Variants in AARS1 observed in about 807,000 individuals in gnomAD.
AARS1 encodes alanine--tRNA ligase, cytoplasmic.
AARS1 carries 72 observed loss-of-function variants against 108.9 expected under a neutral mutation model. That is an observed-to-expected ratio of 0.66 (90% CI 0.55 to 0.80). The LOEUF (loss-of-function observed/expected upper bound fraction) is 0.80. AARS1 is among the 30% of genes least tolerant of loss of function. AARS1 has a pLI of 0.00. For synonymous variants in AARS1, 489 were observed against 465.7 expected (o/e 1.05, Z -0.64); for missense variants, 1,193 against 1,233.2 (o/e 0.97, Z 0.49).
At chr16:70,276,914 G>A in intron 3 of AARS1, 52 bp downstream of exon 3, 1 of 1,596,804 alleles carries the variant, frequency 6.3e-7, no homozygotes, top group East Asian at 2.2e-5. Flanking sequence ...TTCCCAGTGT[G>A]GAAAAGACCA....
At chr16:70,273,097 T>C (rs957929210) in intron 4 of AARS1, among the ~76,000 whole-genome samples, 2 of 152,000 alleles carry the variant, frequency 1.3e-5, no homozygotes, top group African/African-American at 2.4e-5. Flanking sequence ...GTCAACCGAA[T>C]AGGAGTTTTA....
intron 9 of AARS1, among the ~76,000 whole-genome samples, 184 bp downstream of exon 9, chr16:70,267,475 T>A (rs1426810036): frequency 6.6e-6 from 1 of 152,218 alleles, no homozygotes; most frequent in African/African-American, 2.4e-5. Flanking sequence ...TTGAATACTT[T>A]GGCCACAATG....
At position 70,275,341 on chromosome 16, in the gene AARS1, C is replaced by A. The variant is rs1338998493; in HGVS notation, c.479+1145G>T. Among the ~76,000 whole-genome samples the A allele has an allele frequency of 2.6e-5, 4 of 152,114 alleles. No individual in the cohort carries two copies. The East Asian group carries it at 7.7e-4, about 29-fold the overall frequency. ...AATGGATCTAAAGATATGGGCCAGG[C>A]GTGGTGACTCATGCCTGTAATCCCA... On this transcript the variant is annotated intron_variant, in intron 4 of 20. Transcript: ENST00000261772.
chr16:70,271,856 T>A lies in AARS1; in HGVS notation c.596A>T (p.Asp199Val), dbSNP rs74817799. ...EIHYDRIGGR[D>V]AAHLVNQDDP... Reference sequence around the variant, plus strand: ...GTCCTGGTTGACAAGATGTGCGGCGTCCCGACCACCAATCCGGTCGTAGTG... The same window carrying A: ...GTCCTGGTTGACAAGATGTGCGGCGACCCGACCACCAATCCGGTCGTAGTG... The change falls in exon 5 of 21, where the codon GAC becomes GTC. Residue 199 changes from aspartate (D) to valine (V), a missense_variant. Coordinates refer to ENST00000261772, the MANE Select transcript of AARS1 (RefSeq NM_001605.3). 1 of 1,614,014 alleles carries A rather than the reference T, an allele frequency of 6.2e-7. No individual in the cohort carries two copies. The highest frequency in any genetic ancestry group is 8.5e-7 in the Non-Finnish European group (1 of 1,179,988).
chr16:70,253,537 C>G, intron 19 of AARS1, 156 bp from the exon 20 acceptor site: 1 of 1,020,044 alleles, frequency 9.8e-7, no homozygotes, highest in Non-Finnish European at 1.5e-6. Flanking sequence ...GCGCCGGGCC[C>G]TGCCCCTACC....
intron 13 of AARS1, among the ~76,000 whole-genome samples, chr16:70,260,360 G>GT (rs1039300034): frequency 2.0e-5 from 3 of 152,238 alleles, no homozygotes; most frequent in East Asian, 1.9e-4. Flanking sequence ...CAGAGCCTCC[G>GT]TATCAGCTTG....
chr16:70,259,219 T>C, intron 13 of AARS1, 33 bp from the exon 14 acceptor site: 1 of 1,590,378 alleles, frequency 6.3e-7, no homozygotes, highest in South Asian at 1.1e-5. Context: ...TGGAGAGGTC[T>C]GTAATAGACT....
At chr16:70,254,304 T>C (rs1959924382) in intron 17 of AARS1, 2 of 594,632 alleles carry the variant, frequency 3.4e-6, no homozygotes, top group Non-Finnish European at 3.0e-6. Flanking sequence ...TCCTGGCAGC[T>C]TGAAATGCAA....
chr16:70,262,557 TG>T, intron 11 of AARS1, 33 bp from the exon 12 acceptor site: 1 of 1,587,980 alleles, frequency 6.3e-7, no homozygotes. Flanking sequence ...AAGGGGACAG[TG>T]GGGTCAATGA....
In AARS1 at chr16:70,254,868, G is replaced by C. The variant is rs542644353; in HGVS notation, c.2287-134C>G. ...CCCAACACCCCAAAAGTGTCTGTGG[G>C]GAGTAGGTGCTGGCAGCCCCAGGCC... On this transcript the variant is annotated intron_variant, in intron 16 of 20. Coordinates refer to ENST00000261772, the MANE Select transcript of AARS1 (RefSeq NM_001605.3). 4.5e-4 allele frequency: 306 copies of C among 681,334 alleles called. 1 individual carries two copies. The highest frequency in any genetic ancestry group is 2.6e-3 in the Middle Eastern group (7 of 2,644). 42.2% of individuals were successfully genotyped at this position (681,334 alleles called of 1,614,324 possible).
At chr16:70,258,278 G>A in intron 14 of AARS1, 61 bp from the exon 15 acceptor site, 3 of 1,534,606 alleles carry the variant, frequency 2.0e-6, no homozygotes, top group Non-Finnish European at 2.6e-6. Context: ...GGTACGACGA[G>A]GCAGGAAAGC....
chr16:70,255,494 G>A (rs974775753), intron 16 of AARS1, among the ~76,000 whole-genome samples: 2 of 152,028 alleles, frequency 1.3e-5, no homozygotes, highest in Admixed American at 6.6e-5. Context: ...CACTGCGTCC[G>A]GCCTGATTCA....
chr16:70,280,379 G>A (rs1176513242), intron 2 of AARS1, among the ~76,000 whole-genome samples: 1 of 152,112 alleles, frequency 6.6e-6, no homozygotes, highest in Non-Finnish European at 1.5e-5. Flanking sequence ...GTCTCACTGT[G>A]TTGCCCAAGC....
chr16:70,279,206 CA>C (rs1960627729), intron 2 of AARS1, among the ~76,000 whole-genome samples: 2 of 151,600 alleles, frequency 1.3e-5, no homozygotes, highest in South Asian at 4.2e-4. Context: ...AAAAATTAGA[CA>C]GGCATGGTGG....
chr16:70,254,193 G>A (rs1237361237), intron 17 of AARS1, among the ~76,000 whole-genome samples, 155 bp from the exon 18 acceptor site: 1 of 152,194 alleles, frequency 6.6e-6, no homozygotes, highest in Non-Finnish European at 1.5e-5. Flanking sequence ...AGCAGCTGTG[G>A]CAGGTGAAAC....
chr16:70,262,051 G>A lies in AARS1; in HGVS notation c.1671+295C>T, dbSNP rs538145583. Among the ~76,000 whole-genome samples, 9 of 152,294 alleles carry A rather than the reference G, an allele frequency of 5.9e-5. No homozygotes were observed. The South Asian group carries it at 1.4e-3, about 25-fold the overall frequency. On this transcript the variant is annotated intron_variant, in intron 12 of 20. Coordinates refer to ENST00000261772, the MANE Select transcript of AARS1 (RefSeq NM_001605.3). ...AACTCATTCAGCAGCGGCAGAGCTC[G>A]AGGCTGAGTTTTCTACAAGGACATC... is the stretch of plus-strand genomic sequence containing the variant.
intron 1 of AARS1, among the ~76,000 whole-genome samples, chr16:70,287,944 T>C: frequency 6.6e-6 from 1 of 151,820 alleles, no homozygotes; most frequent in East Asian, 1.9e-4. Context: ...TTTGTATTTT[T>C]AGTAGAGACG....
chr16:70,289,236 C>A (rs1401561443), intron 1 of AARS1, among the ~76,000 whole-genome samples, 185 bp downstream of exon 1: 1 of 152,130 alleles, frequency 6.6e-6, no homozygotes. Flanking sequence ...GAGGCCGCGA[C>A]ACTCGCAGCG....
rs116762869 is a variant in AARS1, at chr16:70,264,656, G to T, written c.1492+302C>A. Among the ~76,000 whole-genome samples, 1,825 of 152,180 alleles carry T rather than the reference G, an allele frequency of 0.012. 31 individuals are homozygous for T. The highest frequency in any genetic ancestry group is 0.041 in the African/African-American group (1,723 of 41,526). ...GATAGTCACTGTGGATTGTATCAAT[G>T]TCAATTGCCCAGTTTCCTGCATGAT... On this transcript the variant is annotated intron_variant, in intron 11 of 20. Coordinates refer to ENST00000261772, the MANE Select transcript of AARS1 (RefSeq NM_001605.3).
Sources: allele counts gnomAD v4.1 joint callset (sites outside exome capture counted in the v4.1 genomes callset), GRCh38; gene constraint gnomAD v4.1.1; transcripts MANE v1.5; gene names NCBI Gene and HGNC (gene_info 2026-07-23, HGNC 2026-07-21).